UBE4A: variants seen among roughly 807,000 people sequenced by gnomAD.
UBE4A encodes the protein ubiquitination factor E4A.
UBE4A carries 48 observed loss-of-function variants against 117.9 expected under a neutral mutation model. The ratio of observed to expected loss-of-function variants is 0.41; its 90% CI spans 0.32 to 0.52. UBE4A has a LOEUF of 0.52. Ranked by LOEUF, UBE4A falls within the 20% of genes least tolerant of loss-of-function variation. The pLI is 0.33. For missense variants in UBE4A, 1,067 were observed against 1,296.3 expected (o/e 0.82, Z 2.72); for synonymous variants, 407 against 450.0 (o/e 0.90, Z 1.21).
chr11:118,385,027 A>G (rs1349846914), intron 15 of UBE4A, 82 bp downstream of exon 15: 4 of 1,287,224 alleles, frequency 3.1e-6, no homozygotes, highest in African/African-American at 1.5e-5. Flanking sequence ...CCTTTTAATC[A>G]TAATAGAGCA....
chr11:118,391,204 G>A (rs1027457000), intron 18 of UBE4A, among the ~76,000 whole-genome samples: 3 of 152,046 alleles, frequency 2.0e-5, no homozygotes, highest in Admixed American at 1.3e-4. Flanking sequence ...TTAAGAAATC[G>A]GCTGGGTACA....
At chr11:118,383,029 A>G (rs1948720412) in intron 13 of UBE4A, among the ~76,000 whole-genome samples, 2 of 152,032 alleles carry the variant, frequency 1.3e-5, no homozygotes, top group Admixed American at 1.3e-4. Context: ...TTACATATGA[A>G]GACATGACTG....
intron 17 of UBE4A, 143 bp downstream of exon 17, chr11:118,390,048 G>A: frequency 3.0e-6 from 3 of 992,858 alleles, no homozygotes; most frequent in African/African-American, 3.3e-5. Context: ...ATCTTCTGTA[G>A]TTTTAAATAA....
Position 118,373,178 on chromosome 11 carries a change from G to A in UBE4A, c.814G>A (p.Val272Met). The A allele has an allele frequency of 6.2e-7, 1 of 1,613,996 alleles. No individual in the cohort carries two copies. Among genetic ancestry groups the A allele is most frequent in the Non-Finnish European group, 8.5e-7 (1 of 1,179,996 alleles). ...AACATTTCCAGAAGTCATGATTCCA[G>A]TGTTTGATATTTTATTGGGCCGAAT... ...VRTFPEVMIP[V>M]FDILLGRIKD... is the part of the protein sequence containing the mutation. Residue 272 changes from valine to methionine, a missense_variant, in exon 7 of 20, where the codon GTG becomes ATG. Val to Met is a conservative substitution (Grantham distance 21). Transcript: ENST00000252108.
rs1948622714 is a variant in UBE4A at position 118,373,137 on chromosome 11, T to C, written c.773T>C (p.Leu258Ser). ...FLEEVIEALI[L>S]DEEVRTFPEV... Reference sequence around the variant, plus strand: ...GAAGAGGTCATTGAAGCCTTGATATTGGATGAGGAAGTTAGAACATTTCCA... The same window carrying C: ...GAAGAGGTCATTGAAGCCTTGATATCGGATGAGGAAGTTAGAACATTTCCA... The change falls in exon 7 of 20, where the codon TTG becomes TCG. Residue 258 changes from leucine to serine, a missense_variant. Leu to Ser is a moderately radical substitution (Grantham distance 145). Around this residue, in one of 3 missense-constraint regions of UBE4A, gnomAD observed 1,001 missense variants for 1,184.0 expected, o/e 0.85. Coordinates refer to ENST00000252108, the MANE Select transcript of UBE4A (RefSeq NM_001204077.2). 1.9e-6 allele frequency: 3 copies of C among 1,614,016 alleles called. No homozygotes were observed. Among genetic ancestry groups the C allele is most frequent in the African/African-American group, 1.3e-5 (1 of 74,936 alleles).
rs938501870 is a variant in UBE4A at position 118,389,665 on chromosome 11, C to T, written c.2588-60C>T. 2.1e-5 allele frequency: 30 copies of T among 1,425,978 alleles called. 1 individual carries two copies. Among genetic ancestry groups the T allele is most frequent in the Non-Finnish European group, 2.8e-5 (30 of 1,065,408 alleles). 88.3% of individuals were successfully genotyped at this position (1,425,978 alleles called of 1,614,324 possible). A position where few individuals can be genotyped will look rare whatever the true frequency, so the allele number is the denominator to read the frequency against. On this transcript the variant is annotated intron_variant, in intron 16 of 19. Transcript: ENST00000252108. ...CCCAGAGGTCTCCAAATAAACTATA[C>T]CTAATAAGGAAAAGAGTGCTAATGG...
intron 11 of UBE4A, 146 bp from the exon 12 acceptor site, chr11:118,381,245 T>C (rs1555126277): frequency 3.3e-6 from 3 of 921,710 alleles, no homozygotes; most frequent in Non-Finnish European, 3.2e-6. Context: ...TTTACATTTA[T>C]TGACTTAACG....
In UBE4A at chr11:118,373,600, G is replaced by A. The variant is rs1161524750; in HGVS notation, c.1031G>A (p.Gly344Asp). Residue 344 changes from glycine (G) to aspartate (D), a missense_variant, in exon 8 of 20, where the codon GGT becomes GAT. Physicochemically the swap from Gly to Asp is moderately conservative, Grantham distance 94. This residue lies in a region of UBE4A where 1,001 missense variants were observed against 1,184.0 expected (regional missense o/e 0.85). Coordinates refer to ENST00000252108, the MANE Select transcript of UBE4A (RefSeq NM_001204077.2). ...LSISCLLKTP[G>D]VVENHGYFLN... is the part of the protein sequence containing the mutation. ...ATCTCCTGCTTATTAAAGACTCCGG[G>A]TGTTGTAGAAAATCATGGCTACTTT... The A allele has an allele frequency of 3.1e-6, 5 of 1,614,142 alleles. No individual in the cohort carries two copies. Among genetic ancestry groups the A allele is most frequent in the Non-Finnish European group, 4.2e-6 (5 of 1,180,028 alleles).
At chr11:118,368,572 A>C in intron 2 of UBE4A, 59 bp from the exon 3 acceptor site, 124 of 1,457,558 alleles carry the variant, frequency 8.5e-5, no homozygotes, top group Non-Finnish European at 1.0e-4. Context: ...TATTTTTGGT[A>C]GCATGCTTGG....
chr11:118,393,195 T>C (rs922922618), intron 19 of UBE4A, among the ~76,000 whole-genome samples: 1 of 152,086 alleles, frequency 6.6e-6, no homozygotes, highest in African/African-American at 2.4e-5. Flanking sequence ...GGCAGGTGGA[T>C]CACTTGAGGT....
rs186445215 is a variant in UBE4A, at chr11:118,398,069, C to A, written c.*1629C>A. Reference sequence around the variant, plus strand: ...TTAGCTTCATTCAATATTTATCATCCTCCTTTCCCTCTCTGAGAATGAACT... The same window carrying A: ...TTAGCTTCATTCAATATTTATCATCATCCTTTCCCTCTCTGAGAATGAACT... On this transcript the variant is annotated 3_prime_UTR_variant, in exon 20 of 20. Coordinates refer to ENST00000252108, the MANE Select transcript of UBE4A (RefSeq NM_001204077.2). 19 of 152,682 alleles carry A rather than the reference C, an allele frequency of 1.2e-4. No homozygotes were observed. In the East Asian group the frequency reaches 2.7e-3, roughly 22 times the overall value. The allele number at this position is 152,682 out of a possible 1,614,324, so 9.5% of individuals were successfully genotyped here.
At chr11:118,390,944 G>C in intron 18 of UBE4A, 140 bp downstream of exon 18, 1 of 1,091,368 alleles carries the variant, frequency 9.2e-7, no homozygotes, top group Non-Finnish European at 1.3e-6. Flanking sequence ...TGAAGCTGCA[G>C]TGTGCTATGA....
At chr11:118,385,004 T>G in intron 15 of UBE4A, 59 bp downstream of exon 15, 1 of 1,427,060 alleles carries the variant, frequency 7.0e-7, no homozygotes, top group Non-Finnish European at 9.6e-7. Flanking sequence ...TCATCAGCAG[T>G]ACATACATTT....
In UBE4A at chr11:118,371,612, A is replaced by G; in HGVS notation, c.507A>G (p.Gly169=). ...TLNLSADRDA[G]ERHIFCYLYS... ...ATCTCTCTGCTGATCGAGATGCAGG[A>G]GAGAGGCACATTTTTTGTTACCTTT... is the stretch of plus-strand genomic sequence containing the variant. The change falls in exon 5 of 20, where the codon GGA becomes GGG. Residue 169 remains glycine (G), a synonymous_variant. Transcript: ENST00000252108. 6.2e-7 allele frequency: 1 copy of G among 1,613,894 alleles called. No individual in the cohort carries two copies. The highest frequency in any genetic ancestry group is 8.5e-7 in the Non-Finnish European group (1 of 1,180,014).
chr11:118,374,481 A>G (rs1304699137), intron 8 of UBE4A, among the ~76,000 whole-genome samples: 1 of 152,238 alleles, frequency 6.6e-6, no homozygotes, highest in Non-Finnish European at 1.5e-5. Flanking sequence ...GCAGTGGCCA[A>G]ATCTGGCCTG....
chr11:118,388,150 TAAC>T (rs1469646046), intron 16 of UBE4A, among the ~76,000 whole-genome samples: 3 of 152,264 alleles, frequency 2.0e-5, no homozygotes, highest in Admixed American at 6.5e-5. Context: ...ATAATCTTAA[TAAC>T]AAACTAAATT....
chr11:118,393,021 G>C, intron 19 of UBE4A, 126 bp downstream of exon 19: 2 of 978,210 alleles, frequency 2.0e-6, no homozygotes, highest in Non-Finnish European at 2.9e-6. Context: ...TTACTGATAT[G>C]TTGGAAGACA....
chr11:118,373,524 C>A lies in UBE4A; in HGVS notation c.955C>A (p.Pro319Thr), dbSNP rs142428336. 6.2e-7 allele frequency: 1 copy of A among 1,614,054 alleles called. No homozygotes were observed. Among genetic ancestry groups the A allele is most frequent in the Admixed American group, 1.7e-5 (1 of 60,000 alleles). The change falls in exon 8 of 20, where the codon CCT becomes ACT. Residue 319 changes from proline (P) to threonine (T), a missense_variant. By Grantham distance (38) the Pro-to-Thr change is conservative (BLOSUM62 -1). Transcript: ENST00000252108. ...TGTAGAATACATTCAGCCCAAGGAC[C>A]CTACCAATGGGCAAATGTACCAGAA... ...VFVEYIQPKD[P>T]TNGQMYQKTL...
intron 2 of UBE4A, among the ~76,000 whole-genome samples, chr11:118,368,239 C>A (rs191087316): frequency 1.4e-4 from 21 of 152,274 alleles, no homozygotes; most frequent in Middle Eastern, 3.4e-3. Flanking sequence ...CTATATTTTT[C>A]TGTACAGTTA....
Sources: allele counts gnomAD v4.1 joint callset (sites outside exome capture counted in the v4.1 genomes callset), GRCh38; gene constraint gnomAD v4.1.1; regional missense constraint gnomAD v4.1.1; transcripts MANE v1.5; gene names NCBI Gene and HGNC (gene_info 2026-07-23, HGNC 2026-07-21).